The following QTMAN variants were observed in gnomAD, a reference collection of about 807,000 sequenced individuals.
The protein encoded by QTMAN is queuosine-tRNA mannosyltransferase.
At chr2:144,180,505 C>T in the QTMAN span, among the ~76,000 whole-genome samples, 2 of 152,170 alleles carry the variant, frequency 1.3e-5, no homozygotes, top group East Asian at 1.9e-4. Flanking sequence ...TACTTACTAA[C>T]ACTTTTTCCC....
chr2:143,993,415 AG>A, the QTMAN span, among the ~76,000 whole-genome samples: 26 of 149,396 alleles, frequency 1.7e-4, no homozygotes, highest in East Asian at 1.6e-3. Context: ...AAAAAAAAAA[AG>A]GGGGGGGGAC....
the QTMAN span, among the ~76,000 whole-genome samples, chr2:144,092,904 T>C: frequency 6.6e-6 from 1 of 151,428 alleles, no homozygotes; most frequent in South Asian, 2.1e-4. Flanking sequence ...TGTGTGTGTG[T>C]GTGTGTAGGA....
chr2:143,952,707 C>T, the QTMAN span: 1 of 1,143,664 alleles, frequency 8.7e-7, no homozygotes, highest in Middle Eastern at 2.2e-4. Context: ...TATTTTCAAA[C>T]TTTCTAATTT....
At chr2:144,064,568 CAA>C in the QTMAN span, among the ~76,000 whole-genome samples, 1 of 152,122 alleles carries the variant, frequency 6.6e-6, no homozygotes, top group Admixed American at 6.5e-5. Flanking sequence ...GAGGAGAACT[CAA>C]AGTGTGCTGT....
the QTMAN span, among the ~76,000 whole-genome samples, chr2:144,160,293 T>C: frequency 6.6e-6 from 1 of 152,156 alleles, no homozygotes; most frequent in African/African-American, 2.4e-5. Context: ...CAAACAAGCA[T>C]TTCCTACAAA....
At chr2:144,168,002 T>G in the QTMAN span, among the ~76,000 whole-genome samples, 5 of 152,178 alleles carry the variant, frequency 3.3e-5, no homozygotes, top group African/African-American at 1.2e-4. Flanking sequence ...TCAACTCCTT[T>G]CTAACATATT....
At chr2:144,294,212 G>A in the QTMAN span, among the ~76,000 whole-genome samples, 1 of 152,032 alleles carries the variant, frequency 6.6e-6, no homozygotes, top group Non-Finnish European at 1.5e-5. Flanking sequence ...TATTATTTTA[G>A]TTGATTTCCT....
chr2:144,232,481 T>C, the QTMAN span, among the ~76,000 whole-genome samples: 1 of 152,236 alleles, frequency 6.6e-6, no homozygotes, highest in African/African-American at 2.4e-5. Flanking sequence ...CATGAGCCAC[T>C]GTTTACTTCC....
At chr2:143,964,603 T>C in the QTMAN span, among the ~76,000 whole-genome samples, 2 of 152,150 alleles carry the variant, frequency 1.3e-5, no homozygotes, top group African/African-American at 4.8e-5. Context: ...CCCCTTAGTA[T>C]AGCTGCTCTG....
the QTMAN span, among the ~76,000 whole-genome samples, chr2:144,008,228 A>G: frequency 1.3e-5 from 2 of 152,076 alleles, no homozygotes; most frequent in Non-Finnish European, 2.9e-5. Flanking sequence ...TCTATTGGAA[A>G]GCAAACCATT....
At chr2:143,982,608 C>T in the QTMAN span, among the ~76,000 whole-genome samples, 1 of 151,202 alleles carries the variant, frequency 6.6e-6, no homozygotes, top group African/African-American at 2.4e-5. Context: ...TGCCTGTAAT[C>T]CCAGTACTTT....
At chr2:143,984,937 G>A in the QTMAN span, among the ~76,000 whole-genome samples, 13 of 152,216 alleles carry the variant, frequency 8.5e-5, no homozygotes, top group African/African-American at 2.6e-4. Flanking sequence ...CTTCCTGGAC[G>A]CTGGACAAGA....
At chr2:143,982,997 G>A in the QTMAN span, among the ~76,000 whole-genome samples, 9 of 151,924 alleles carry the variant, frequency 5.9e-5, 1 homozygote. Flanking sequence ...TAGAAAAGAA[G>A]CTATTCAAAA....
chr2:144,220,207 A>G, the QTMAN span, among the ~76,000 whole-genome samples: 1 of 152,196 alleles, frequency 6.6e-6, no homozygotes, highest in Non-Finnish European at 1.5e-5. Flanking sequence ...CAAGAGGCAT[A>G]TTATTAGCTA....
At chr2:144,247,077 G>A in the QTMAN span, among the ~76,000 whole-genome samples, 1 of 152,162 alleles carries the variant, frequency 6.6e-6, no homozygotes, top group Non-Finnish European at 1.5e-5. Flanking sequence ...AAACAAAAAT[G>A]TAAGAGTAAG....
At chr2:144,105,435 G>C in the QTMAN span, among the ~76,000 whole-genome samples, 1 of 152,184 alleles carries the variant, frequency 6.6e-6, no homozygotes, top group Non-Finnish European at 1.5e-5. Context: ...AAAAACCATG[G>C]CACGAGAACT....
At chr2:144,026,162 G>A in the QTMAN span, among the ~76,000 whole-genome samples, 5 of 152,084 alleles carry the variant, frequency 3.3e-5, no homozygotes, top group East Asian at 1.9e-4. Context: ...GGTTGGGAGC[G>A]GTGGCTCACA....
the QTMAN span, among the ~76,000 whole-genome samples, chr2:144,258,957 G>A: frequency 6.6e-6 from 1 of 152,068 alleles, no homozygotes; most frequent in Admixed American, 6.5e-5. Context: ...AAGAAAAGAA[G>A]AATAAAAAGG....
the QTMAN span, among the ~76,000 whole-genome samples, chr2:144,152,106 T>C: frequency 6.6e-6 from 1 of 152,190 alleles, no homozygotes; most frequent in Non-Finnish European, 1.5e-5. Context: ...TCATGTGGCA[T>C]CAATCGGACA....
Sources: gnomAD v4.1 joint callset for allele counts (sites outside exome capture counted in the v4.1 genomes callset) on GRCh38, gnomAD v4.1.1 for gene constraint, MANE v1.5 for transcripts, NCBI Gene and HGNC (gene_info 2026-07-23, HGNC 2026-07-21) for gene names.